The following SLC24A4 variants were observed in gnomAD, a reference collection of about 807,000 sequenced individuals.
The protein encoded by SLC24A4 is sodium/potassium/calcium exchanger 4.
Under a neutral mutation model 79.0 loss-of-function variants are expected in SLC24A4, and 53 were observed. The ratio of observed to expected loss-of-function variants is 0.67; its 90% CI spans 0.54 to 0.84. The LOEUF (loss-of-function observed/expected upper bound fraction) is 0.84, where lower values mean the gene tolerates loss of function less well. Among genes scored for constraint, SLC24A4 ranks in the 40% least tolerant of loss-of-function variants. SLC24A4 has a pLI of 0.00. For synonymous variants in SLC24A4, 323 were observed against 323.8 expected (o/e 1.00, Z 0.03); for missense variants, 731 against 822.0 (o/e 0.89, Z 1.35).
chr14:92,349,634 A>G (rs776774636), intron 2 of SLC24A4, among the ~76,000 whole-genome samples: 1 of 152,228 alleles, frequency 6.6e-6, no homozygotes, highest in African/African-American at 2.4e-5. Context: ...TATCACAACA[A>G]GGATACTGAC....
At chr14:92,408,284 T>C (rs1890518506) in intron 2 of SLC24A4, 2 of 495,998 alleles carry the variant, frequency 4.0e-6, no homozygotes, top group East Asian at 1.5e-4. Context: ...GAATCTGTTA[T>C]TGTGTTTGTT....
At chr14:92,484,594 A>T (rs1895253688) in intron 13 of SLC24A4, 1 of 984,982 alleles carries the variant, frequency 1.0e-6, no homozygotes, top group African/African-American at 1.8e-5. Flanking sequence ...AGGCAGAACC[A>T]CTCCAAGCCT....
chr14:92,334,806 G>T (rs1310754930), intron 2 of SLC24A4, among the ~76,000 whole-genome samples: 1 of 152,084 alleles, frequency 6.6e-6, no homozygotes, highest in African/African-American at 2.4e-5. Flanking sequence ...TCACAGTGCT[G>T]CTGTGTGACA....
At chr14:92,414,544 T>G (rs918795489) in intron 2 of SLC24A4, among the ~76,000 whole-genome samples, 1 of 152,126 alleles carries the variant, frequency 6.6e-6, no homozygotes, top group African/African-American at 2.4e-5. Context: ...GAGACCAGCC[T>G]GGGTGACACA....
chr14:92,343,704 T>TTCCTTCCTTC lies in SLC24A4; in HGVS notation c.241+17726_241+17727insTCCTTCCTTC, dbSNP rs1566700444. On this transcript the variant is annotated intron_variant, in intron 2 of 16. Coordinates refer to ENST00000532405, the MANE Select transcript of SLC24A4 (RefSeq NM_153646.4). ...TCCTTCCTTCCTTCCTTCCTTCCTT[T>TTCCTTCCTTC]CTTTCTTTCTTTTTTTGAGACAGAG... 4.1e-3 allele frequency among the ~76,000 whole-genome samples: 122 copies of TTCCTTCCTTC among 29,442 alleles called. 2 individuals carry two copies. The highest frequency in any genetic ancestry group is 0.023 in the Middle Eastern group (1 of 44). The allele number at this position is 29,442 out of a possible 152,430, so 19.3% of individuals were successfully genotyped here. A position where few individuals can be genotyped will look rare whatever the true frequency, so the allele number is the denominator to read the frequency against.
intron 2 of SLC24A4, among the ~76,000 whole-genome samples, chr14:92,360,614 G>A (rs1296252144): frequency 3.9e-5 from 6 of 152,200 alleles, no homozygotes; most frequent in African/African-American, 1.2e-4. Flanking sequence ...GTCCATTTGT[G>A]TTGGGTGATA....
Position 92,359,845 on chromosome 14 carries a change from A to C in SLC24A4, c.241+33867A>C, listed in dbSNP as rs149861774. ...CCTTGCATTTCCTAAACTAGGTATA[A>C]CCATTTTAATTTTGCCTTAAGAAAA... On this transcript the variant is annotated intron_variant, in intron 2 of 16. Transcript: ENST00000532405. Among the ~76,000 whole-genome samples the C allele has an allele frequency of 2.6e-5, 4 of 152,328 alleles. No individual in the cohort carries two copies. The East Asian group carries it at 7.7e-4, about 29-fold the overall frequency.
intron 2 of SLC24A4, among the ~76,000 whole-genome samples, chr14:92,333,060 C>A (rs1434458832): frequency 6.6e-6 from 1 of 152,114 alleles, no homozygotes; most frequent in Non-Finnish European, 1.5e-5. Context: ...CATGATTTCC[C>A]CCTCTCTAAC....
chr14:92,454,959 G>A (rs781147652), intron 11 of SLC24A4, among the ~76,000 whole-genome samples: 34 of 152,100 alleles, frequency 2.2e-4, no homozygotes, highest in Non-Finnish European at 4.4e-4. Context: ...GGGTGGGGAG[G>A]GTTGAATAAC....
intron 12 of SLC24A4, among the ~76,000 whole-genome samples, chr14:92,480,589 G>A (rs1000876094): frequency 4.6e-5 from 7 of 151,840 alleles, no homozygotes; most frequent in African/African-American, 1.5e-4. Flanking sequence ...CACCACGCCC[G>A]GCCTTTCCCT....
At chr14:92,381,029 A>T (rs2141710937) in intron 2 of SLC24A4, among the ~76,000 whole-genome samples, 1 of 152,288 alleles carries the variant, frequency 6.6e-6, no homozygotes, top group South Asian at 2.1e-4. Context: ...TGGGCCACAC[A>T]ACACTGATCT....
At chr14:92,482,329 T>C (rs937225633) in intron 12 of SLC24A4, among the ~76,000 whole-genome samples, 1 of 152,240 alleles carries the variant, frequency 6.6e-6, no homozygotes, top group Non-Finnish European at 1.5e-5. Flanking sequence ...CTCAAGGTCC[T>C]TTGACTTCCA....
intron 2 of SLC24A4, among the ~76,000 whole-genome samples, chr14:92,432,018 G>A (rs950510999): frequency 5.3e-5 from 8 of 152,202 alleles, no homozygotes; most frequent in Non-Finnish European, 1.2e-4. Context: ...AAACAGGAAC[G>A]TTGATGGCTC....
At chr14:92,459,952 T>G (rs893792969) in intron 12 of SLC24A4, among the ~76,000 whole-genome samples, 3 of 152,062 alleles carry the variant, frequency 2.0e-5, no homozygotes. Context: ...TTGAGGGTGT[T>G]TCTTAGGGGT....
chr14:92,419,935 G>A (rs1428684313), intron 2 of SLC24A4, among the ~76,000 whole-genome samples: 3 of 152,184 alleles, frequency 2.0e-5, no homozygotes, highest in African/African-American at 4.8e-5. Flanking sequence ...GGATGAAGGT[G>A]AGCTCTAAAT....
chr14:92,383,649 G>A (rs1246336693), intron 2 of SLC24A4, among the ~76,000 whole-genome samples: 2 of 152,212 alleles, frequency 1.3e-5, no homozygotes, highest in East Asian at 3.9e-4. Context: ...GCTGAGGGCA[G>A]AGAGAGACTG....
intron 2 of SLC24A4, among the ~76,000 whole-genome samples, chr14:92,381,910 G>A (rs901628354): frequency 3.9e-5 from 6 of 152,108 alleles, no homozygotes; most frequent in Non-Finnish European, 7.3e-5. Context: ...TGTTTTAGGC[G>A]GTCATGTATG....
chr14:92,381,568 G>A (rs1348602151), intron 2 of SLC24A4, among the ~76,000 whole-genome samples: 1 of 151,992 alleles, frequency 6.6e-6, no homozygotes, highest in Non-Finnish European at 1.5e-5. Flanking sequence ...TGCATATTCA[G>A]CACATTCAGT....
At chr14:92,338,744 G>C (rs1885958420) in intron 2 of SLC24A4, among the ~76,000 whole-genome samples, 1 of 152,188 alleles carries the variant, frequency 6.6e-6, no homozygotes, top group Non-Finnish European at 1.5e-5. Flanking sequence ...CTACTTAGGA[G>C]GCCTATTGGG....
Sources: allele counts gnomAD v4.1 joint callset (sites outside exome capture counted in the v4.1 genomes callset), GRCh38; gene constraint gnomAD v4.1.1; transcripts MANE v1.5; gene names NCBI Gene and HGNC (gene_info 2026-07-23, HGNC 2026-07-21).